HNRNPM: variants seen among roughly 807,000 people sequenced by gnomAD.
The protein encoded by HNRNPM is heterogeneous nuclear ribonucleoprotein M, also known as CEA receptor.
Under a neutral mutation model 73.1 loss-of-function variants are expected in HNRNPM, and 11 were observed. That is an observed-to-expected ratio of 0.15 (90% confidence interval 0.09 to 0.25). The LOEUF (loss-of-function observed/expected upper bound fraction) is 0.25. HNRNPM is among the 10% of genes least tolerant of loss of function. The probability of loss-of-function intolerance (pLI) is 1.00; values close to 1 mark genes in which losing one functional copy is unlikely to be tolerated. For missense variants in HNRNPM, 789 were observed against 1,067.9 expected (o/e 0.74, Z 3.64); for synonymous variants, 407 against 355.2 (o/e 1.15, Z -1.64).
intron 8 of HNRNPM, among the ~76,000 whole-genome samples, chr19:8,468,306 TTAA>T (rs1301846069): frequency 3.3e-5 from 5 of 152,240 alleles, no homozygotes; most frequent in South Asian, 4.1e-4. Flanking sequence ...CACTTCAATC[TTAA>T]TAAACATTTG....
intron 15 of HNRNPM, 128 bp downstream of exon 15, chr19:8,487,203 C>A: frequency 1.3e-6 from 1 of 790,618 alleles, no homozygotes; most frequent in Non-Finnish European, 2.3e-6. Flanking sequence ...CATGTTCTGC[C>A]CACGCCAATG....
At chr19:8,458,143 G>T (rs1338413535) in intron 2 of HNRNPM, among the ~76,000 whole-genome samples, 2 of 152,162 alleles carry the variant, frequency 1.3e-5, no homozygotes, top group Admixed American at 6.5e-5. Flanking sequence ...ACTCCGGGGG[G>T]AGATTGTCTC....
intron 1 of HNRNPM, among the ~76,000 whole-genome samples, chr19:8,453,586 T>TG (rs1296448907): frequency 5.9e-5 from 9 of 151,326 alleles, no homozygotes; most frequent in African/African-American, 2.0e-4. Context: ...CTTGGCTTTT[T>TG]GGTTTTTTTT....
chr19:8,450,632 G>A (rs977163004), intron 1 of HNRNPM, among the ~76,000 whole-genome samples: 1 of 151,850 alleles, frequency 6.6e-6, no homozygotes, highest in African/African-American at 2.4e-5. Context: ...GAACTCCTGA[G>A]CTCAAGTGAT....
chr19:8,472,665 C>T (rs1199335622), intron 10 of HNRNPM, among the ~76,000 whole-genome samples: 6 of 152,242 alleles, frequency 3.9e-5, no homozygotes. Flanking sequence ...CGCACTCAAT[C>T]TCTGCCTCCT....
intron 6 of HNRNPM, among the ~76,000 whole-genome samples, chr19:8,465,961 T>A (rs1969714960): frequency 6.6e-6 from 1 of 152,140 alleles, no homozygotes; most frequent in Non-Finnish European, 1.5e-5. Context: ...AACAATTTTT[T>A]AAAAATGTTC....
At chr19:8,451,722 G>A (rs911225022) in intron 1 of HNRNPM, among the ~76,000 whole-genome samples, 2 of 151,998 alleles carry the variant, frequency 1.3e-5, no homozygotes, top group Non-Finnish European at 2.9e-5. Context: ...GTAGGGACAC[G>A]GTTTTGCCAT....
chr19:8,475,905 CTTTTTTTTTTTTTTT>C (rs71175865), intron 12 of HNRNPM, among the ~76,000 whole-genome samples: 1 of 114,408 alleles, frequency 8.7e-6, no homozygotes, highest in South Asian at 3.0e-4. Context: ...CCATCTCTCT[CTTTTTTTTTTTTTTT>C]TTTTTTTTTA....
chr19:8,470,914 G>A (rs1455126348), intron 9 of HNRNPM, among the ~76,000 whole-genome samples: 12 of 152,126 alleles, frequency 7.9e-5, no homozygotes, highest in Admixed American at 5.9e-4. Context: ...ATGTTGATTG[G>A]CTGGTTTGTA....
chr19:8,471,456 G>A, intron 10 of HNRNPM, 29 bp downstream of exon 10: 1 of 1,388,052 alleles, frequency 7.2e-7, no homozygotes, highest in South Asian at 1.3e-5. Flanking sequence ...CTTGCTTGGT[G>A]GTTTGGGGAA....
chr19:8,451,850 G>A (rs144613320), intron 1 of HNRNPM, among the ~76,000 whole-genome samples: 5 of 152,166 alleles, frequency 3.3e-5, no homozygotes, highest in South Asian at 4.2e-4. Flanking sequence ...TATGTGTCTC[G>A]AATGATATTT....
At chr19:8,472,281 T>G (rs1449633792) in intron 10 of HNRNPM, among the ~76,000 whole-genome samples, 1 of 152,194 alleles carries the variant, frequency 6.6e-6, no homozygotes, top group African/African-American at 2.4e-5. Context: ...TTGATTCTAT[T>G]AAGGAATATG....
chr19:8,486,468 T>C lies in HNRNPM; in HGVS notation c.1977+63T>C, dbSNP rs79830188. 1,239 of 1,420,004 alleles carry C rather than the reference T, an allele frequency of 8.7e-4. 7 individuals are homozygous for C. In the African/African-American group the frequency reaches 0.016, roughly 19 times the overall value. 88.0% of individuals were successfully genotyped at this position (1,420,004 alleles called of 1,614,324 possible). A position where few individuals can be genotyped will look rare whatever the true frequency, so the allele number is the denominator to read the frequency against. On this transcript the variant is annotated intron_variant, in intron 14 of 15. Transcript: ENST00000325495. ...CATGAGGGGACAGGGGAGGCAAAGA[T>C]CAGCAGGATGAAGTCAGAGGTGGCG...
chr19:8,481,343 G>A (rs1970903371), intron 12 of HNRNPM: 1 of 152,926 alleles, frequency 6.5e-6, no homozygotes. Flanking sequence ...GGCTCTGCTA[G>A]GGGGCTCAGC....
chr19:8,487,357 T>G (rs937833094), intron 15 of HNRNPM: 1 of 400,988 alleles, frequency 2.5e-6, no homozygotes, highest in South Asian at 2.5e-5. Context: ...GGCAGAGTCT[T>G]CCTTCTGAGG....
chr19:8,477,660 CAAA>C (rs35193948), intron 12 of HNRNPM, among the ~76,000 whole-genome samples: 26 of 117,068 alleles, frequency 2.2e-4, no homozygotes, highest in African/African-American at 7.8e-4. Flanking sequence ...AACCCTGTCT[CAAA>C]AAAAAAAAAA....
At chr19:8,445,770 C>T (rs1023952848) in intron 1 of HNRNPM, among the ~76,000 whole-genome samples, 7 of 152,272 alleles carry the variant, frequency 4.6e-5, no homozygotes, top group African/African-American at 1.7e-4. Context: ...GCTCCTCCTC[C>T]CCGGGTGCGC....
chr19:8,447,883 G>T (rs569061122), intron 1 of HNRNPM, among the ~76,000 whole-genome samples: 1 of 152,232 alleles, frequency 6.6e-6, no homozygotes, highest in East Asian at 1.9e-4. Context: ...AAAATTAGCC[G>T]GGCGTGGTGC....
At chr19:8,451,335 G>A (rs534723687) in intron 1 of HNRNPM, among the ~76,000 whole-genome samples, 3 of 152,078 alleles carry the variant, frequency 2.0e-5, no homozygotes, top group South Asian at 4.1e-4. Context: ...GAGCCACCGC[G>A]CCCAGCCAAA....
Sources: allele counts gnomAD v4.1 joint callset (sites outside exome capture counted in the v4.1 genomes callset), GRCh38; gene constraint gnomAD v4.1.1; transcripts MANE v1.5; gene names NCBI Gene and HGNC (gene_info 2026-07-23, HGNC 2026-07-21).